ELAVL3: variants seen among roughly 807,000 people sequenced by gnomAD.
ELAVL3 encodes ELAV like RNA binding protein 3.
A neutral mutation model predicts 34.2 loss-of-function variants in ELAVL3; 8 were observed. The observed-to-expected ratio is 0.23, with a 90% confidence interval of 0.14 to 0.42. The LOEUF (loss-of-function observed/expected upper bound fraction) is 0.42, where lower values mean the gene tolerates loss of function less well. Among genes scored for constraint, ELAVL3 ranks in the 10% least tolerant of loss-of-function variants. The pLI is 1.00. For missense variants in ELAVL3, 273 were observed against 518.8 expected (o/e 0.53, Z 4.60); for synonymous variants, 209 against 222.1 (o/e 0.94, Z 0.53).
chr19:11,480,809 G>GC lies in ELAVL3; in HGVS notation c.-202dup. On this transcript the variant is annotated 5_prime_UTR_variant, in exon 1 of 7. Coordinates refer to ENST00000359227, the MANE Select transcript of ELAVL3 (RefSeq NM_001420.4). The surrounding 1 kb of genome is among the most constrained non-coding windows in gnomAD (Gnocchi z 6.8). ...CGGGGATGCGCGCGCGGATGGCCGG[G>GC]CCCCGGGGTGGCCTGCGGGCGGCAG... 4.8e-6 allele frequency: 2 copies of GC among 418,806 alleles called. No individual in the cohort carries two copies. Among genetic ancestry groups the GC allele is most frequent in the Non-Finnish European group, 8.1e-6 (2 of 247,636 alleles). 25.9% of individuals were successfully genotyped at this position (418,806 alleles called of 1,614,324 possible). A position where few individuals can be genotyped will look rare whatever the true frequency, so the allele number is the denominator to read the frequency against.
At chr19:11,462,644 A>T (rs903683384) in intron 3 of ELAVL3, among the ~76,000 whole-genome samples, 1 of 147,108 alleles carries the variant, frequency 6.8e-6, no homozygotes, top group Non-Finnish European at 1.5e-5. Context: ...TCAGAAAAAT[A>T]AATAAATTAA....
chr19:11,458,365 G>A lies in ELAVL3; in HGVS notation c.488-79C>T, dbSNP rs1054191257. ...CCCACTTCTCCCTTCCCTGCTTCAT[G>A]CCCTGGCATCTTGGTCGGTTTCCCC... On this transcript the variant is annotated intron_variant, in intron 4 of 6. Coordinates refer to ENST00000359227, the MANE Select transcript of ELAVL3 (RefSeq NM_001420.4). The surrounding 1 kb of genome is among the most constrained non-coding windows in gnomAD (Gnocchi z 7.3). The A allele has an allele frequency of 6.1e-5, 98 of 1,606,008 alleles. No homozygotes were observed. In the African/African-American group the frequency reaches 1.2e-3, roughly 20 times the overall value.
At chr19:11,479,485 G>C (rs1035074193) in intron 1 of ELAVL3, among the ~76,000 whole-genome samples, 1 of 152,126 alleles carries the variant, frequency 6.6e-6, no homozygotes, top group East Asian at 1.9e-4. Flanking sequence ...CCCAGGCGCC[G>C]GGACCAGACA....
chr19:11,477,644 G>A (rs1378021063), intron 1 of ELAVL3, among the ~76,000 whole-genome samples: 2 of 151,702 alleles, frequency 1.3e-5, no homozygotes, highest in Non-Finnish European at 2.9e-5. Context: ...AGCCCAGTGA[G>A]CAGTTGGCAG....
chr19:11,465,242 CACACACAT>C (rs1971019740), intron 3 of ELAVL3, among the ~76,000 whole-genome samples: 1 of 129,836 alleles, frequency 7.7e-6, no homozygotes, highest in Admixed American at 7.9e-5. Flanking sequence ...CACCGCACAC[CACACACAT>C]ACACACCGCA....
intron 1 of ELAVL3, among the ~76,000 whole-genome samples, chr19:11,479,508 C>A (rs913695411): frequency 6.6e-6 from 1 of 151,920 alleles, no homozygotes; most frequent in Admixed American, 6.6e-5. Flanking sequence ...GGACGCGCGG[C>A]GGCGCGGGGA....
At chr19:11,470,310 G>A (rs576002534) in intron 1 of ELAVL3, among the ~76,000 whole-genome samples, 2 of 152,130 alleles carry the variant, frequency 1.3e-5, no homozygotes, top group Admixed American at 6.6e-5. Flanking sequence ...AGCTGAGCTC[G>A]TGCCATTGCA....
rs945930244 is a variant in ELAVL3, at chr19:11,453,042, G to C, written c.*1484C>G. The C allele has an allele frequency of 6.6e-6, 1 of 152,208 alleles. No homozygotes were observed. Among genetic ancestry groups the C allele is most frequent in the African/African-American group, 2.4e-5 (1 of 41,444 alleles). 9.4% of individuals were successfully genotyped at this position (152,208 alleles called of 1,614,324 possible). A position where few individuals can be genotyped will look rare whatever the true frequency, so the allele number is the denominator to read the frequency against. On this transcript the variant is annotated 3_prime_UTR_variant, in exon 7 of 7. Coordinates refer to ENST00000359227, the MANE Select transcript of ELAVL3 (RefSeq NM_001420.4). The stretch of plus-strand genomic sequence containing the variant: ...CCATCCACCCCACCCTGGGCCTGGC[G>C]GGGAGTGCCGGGGTCTTGCTGCCGG...
At chr19:11,465,326 C>T (rs1400557015) in intron 3 of ELAVL3, among the ~76,000 whole-genome samples, 1 of 147,702 alleles carries the variant, frequency 6.8e-6, no homozygotes, top group East Asian at 2.0e-4. Flanking sequence ...TACACACATG[C>T]ACACACACCA....
intron 1 of ELAVL3, among the ~76,000 whole-genome samples, chr19:11,471,257 C>G (rs1971157366): frequency 6.6e-6 from 1 of 151,034 alleles, no homozygotes; most frequent in African/African-American, 2.4e-5. Context: ...TTGCAGTGAG[C>G]TGAGATTACA....
At chr19:11,479,262 A>G (rs1971321636) in intron 1 of ELAVL3, among the ~76,000 whole-genome samples, 1 of 152,144 alleles carries the variant, frequency 6.6e-6, no homozygotes, top group African/African-American at 2.4e-5. Context: ...GAGGTCACAC[A>G]GCAGGTGAGC....
chr19:11,471,166 C>T (rs566054999), intron 1 of ELAVL3, among the ~76,000 whole-genome samples: 2 of 150,676 alleles, frequency 1.3e-5, no homozygotes, highest in South Asian at 2.1e-4. Context: ...AAAAATTAGC[C>T]GGGCATGGTG....
intron 1 of ELAVL3, among the ~76,000 whole-genome samples, chr19:11,478,549 T>C (rs1414309171): frequency 2.0e-5 from 3 of 152,088 alleles, no homozygotes; most frequent in African/African-American, 7.2e-5. Flanking sequence ...AGATAAAAGA[T>C]GGAGGGTTAG....
At chr19:11,469,576 A>G (rs1971123608) in intron 1 of ELAVL3, among the ~76,000 whole-genome samples, 2 of 152,046 alleles carry the variant, frequency 1.3e-5, no homozygotes, top group African/African-American at 2.4e-5. Flanking sequence ...CACCGTGCCC[A>G]GCCGTTAATT....
chr19:11,457,886 C>T (rs1427516630), intron 5 of ELAVL3, among the ~76,000 whole-genome samples, 175 bp downstream of exon 5: 1 of 152,226 alleles, frequency 6.6e-6, no homozygotes, highest in Non-Finnish European at 1.5e-5. Flanking sequence ...GGCCAGCACA[C>T]ATTGAGGGCC....
chr19:11,465,459 CGTT>C (rs1457511569), intron 3 of ELAVL3, among the ~76,000 whole-genome samples: 2 of 152,146 alleles, frequency 1.3e-5, no homozygotes, highest in South Asian at 2.1e-4. Flanking sequence ...TTCTGGGTCT[CGTT>C]GGCCATGAAG....
Position 11,454,502 on chromosome 19 carries a change from G to A in ELAVL3, c.*24C>T, listed in dbSNP as rs761661246. 4 of 1,545,552 alleles carry A rather than the reference G, an allele frequency of 2.6e-6. No individual in the cohort carries two copies. Among genetic ancestry groups the A allele is most frequent in the South Asian group, 2.4e-5 (2 of 83,234 alleles). Reference sequence around the variant, plus strand: ...CTCTCTCTCTGCTGCCCGGGGAGGGGGTGGGAGGGCAGGCGGGGTGGGCTC... The same window carrying A: ...CTCTCTCTCTGCTGCCCGGGGAGGGAGTGGGAGGGCAGGCGGGGTGGGCTC... On this transcript the variant is annotated 3_prime_UTR_variant, in exon 7 of 7. Transcript: ENST00000359227. This position sits in a 1 kb window ranked among gnomAD's most constrained non-coding sequence, Gnocchi z 9.2.
At chr19:11,479,757 C>G (rs1186842509) in intron 1 of ELAVL3, among the ~76,000 whole-genome samples, 2 of 151,720 alleles carry the variant, frequency 1.3e-5, no homozygotes, top group South Asian at 4.1e-4. Context: ...GCTGAAAGCA[C>G]CGAGCGCGGG....
In ELAVL3 at chr19:11,478,870, T is replaced by C. The variant is rs536649900; in HGVS notation, c.9+1730A>G. ...ACAGATGCCTGGATACCGGCGACAA[T>C]AGGGCATTGAGTGGCTATGCATGGT... On this transcript the variant is annotated intron_variant, in intron 1 of 6. Transcript: ENST00000359227. Among the ~76,000 whole-genome samples, 3 of 152,236 alleles carry C rather than the reference T, an allele frequency of 2.0e-5. No homozygotes were observed. In the South Asian group the frequency reaches 6.2e-4, roughly 32 times the overall value.
Sources: allele counts gnomAD v4.1 joint callset (sites outside exome capture counted in the v4.1 genomes callset), GRCh38; gene constraint gnomAD v4.1.1; non-coding constraint Gnocchi (gnomAD v3.1); transcripts MANE v1.5; gene names NCBI Gene and HGNC (gene_info 2026-07-23, HGNC 2026-07-21).